The following ITGA8 variants were observed in gnomAD, a reference collection of about 807,000 sequenced individuals.
ITGA8 encodes integrin subunit alpha 8.
ITGA8 carries 91 observed loss-of-function variants against 142.3 expected under a neutral mutation model. That is an observed-to-expected ratio of 0.64 (90% CI 0.54 to 0.76). The LOEUF is 0.76. ITGA8 is among the 30% of genes least tolerant of loss of function. ITGA8 has a pLI of 0.00. For missense variants in ITGA8, 1,406 were observed against 1,327.7 expected, an observed-to-expected ratio of 1.06 and a Z score of -0.92; for synonymous variants, 505 against 485.2, an observed-to-expected ratio of 1.04 and a Z score of -0.54.
chr10:15,532,431 A>AAAAAAAAAG (rs1554769477), intron 27 of ITGA8, among the ~76,000 whole-genome samples: 1,651 of 139,136 alleles, frequency 0.012, 63 homozygotes, highest in Admixed American at 0.048. Context: ...AAAAAAAAAA[A>AAAAAAAAAG]AAAAAAAAAA....
rs796194795 is a variant in ITGA8, at chr10:15,561,235, G to GTATATATA, written c.2638-3041_2638-3034dup. ...TATATATATATATATATATATATAT[G>GTATATATA]TATATATATATATATATATGTATGT... On this transcript the variant is annotated intron_variant, in intron 25 of 29. Coordinates refer to ENST00000378076, the MANE Select transcript of ITGA8 (RefSeq NM_003638.3). 6.3e-3 allele frequency among the ~76,000 whole-genome samples: 642 copies of GTATATATA among 101,522 alleles called. 40 individuals are homozygous for GTATATATA. The East Asian group carries it at 0.18, about 28-fold the overall frequency. The allele number at this position is 101,522 out of a possible 152,430, so 66.6% of individuals were successfully genotyped here.
intron 2 of ITGA8, among the ~76,000 whole-genome samples, chr10:15,717,655 C>T (rs560273473): frequency 1.3e-5 from 2 of 152,170 alleles, no homozygotes; most frequent in African/African-American, 4.8e-5. Context: ...TATAATTTTC[C>T]AATGCTTTTA....
chr10:15,559,982 A>T (rs1338898109), intron 25 of ITGA8, among the ~76,000 whole-genome samples: 1 of 152,070 alleles, frequency 6.6e-6, no homozygotes, highest in African/African-American at 2.4e-5. Flanking sequence ...CAAAACTTAA[A>T]ATTAAATTTA....
At chr10:15,692,492 C>T (rs901167049) in intron 2 of ITGA8, among the ~76,000 whole-genome samples, 62 of 152,132 alleles carry the variant, frequency 4.1e-4, no homozygotes, top group Admixed American at 2.6e-4. Flanking sequence ...TATTGAAGAC[C>T]ATATATTTAT....
chr10:15,681,843 G>A (rs550333511), intron 4 of ITGA8, among the ~76,000 whole-genome samples: 4 of 152,140 alleles, frequency 2.6e-5, no homozygotes, highest in Non-Finnish European at 5.9e-5. Context: ...TATAGGATAT[G>A]GACAGGTGTA....
intron 13 of ITGA8, among the ~76,000 whole-genome samples, chr10:15,632,007 G>A (rs767725991): frequency 3.8e-4 from 57 of 151,992 alleles, no homozygotes; most frequent in Non-Finnish European, 4.4e-4. Context: ...TGTATCTGGC[G>A]AGGGAAATTT....
rs563882503 is a variant in ITGA8, at chr10:15,719,529, C to A, written c.209+34G>T. The A allele has an allele frequency of 1.0e-4, 154 of 1,510,358 alleles. No homozygotes were observed. The Middle Eastern group carries it at 1.3e-3, about 12-fold the overall frequency. The allele number at this position is 1,510,358 out of a possible 1,614,324, so 93.6% of individuals were successfully genotyped here. ...GGACCTGACCCGGGAGCGCCTTCGT[C>A]CCCGCGCGCACCTCCCCGGGTCGGG... On this transcript the variant is annotated intron_variant, in intron 1 of 29. Transcript: ENST00000378076.
intron 13 of ITGA8, among the ~76,000 whole-genome samples, chr10:15,642,033 C>T (rs889904057): frequency 5.9e-5 from 9 of 152,188 alleles, no homozygotes; most frequent in Middle Eastern, 3.4e-3. Flanking sequence ...GAGGCTGAGG[C>T]AGGAGGACCG....
At chr10:15,608,392 T>A in intron 15 of ITGA8, 102 bp from the exon 16 acceptor site, 1 of 652,290 alleles carries the variant, frequency 1.5e-6, no homozygotes, top group Admixed American at 2.8e-5. Flanking sequence ...TTTCTCTATA[T>A]ATTTCTAATT....
At chr10:15,621,152 A>G (rs970147137) in intron 13 of ITGA8, among the ~76,000 whole-genome samples, 1 of 149,434 alleles carries the variant, frequency 6.7e-6, no homozygotes, top group African/African-American at 2.5e-5. Flanking sequence ...TTCTCTATAC[A>G]TAGACACTTA....
chr10:15,575,559 T>A lies in ITGA8; in HGVS notation c.2408A>T (p.His803Leu). ...SHPPQIVLPI[H>L]NWEPEEEPHK... ...GGGCTCCTCTTCTGGTTCCCAGTTA[T>A]GAATGGGCAGAACAATCTGCGGAGG... is the stretch of plus-strand genomic sequence containing the variant. The change falls in exon 24 of 30, where the codon CAT (histidine) becomes CTT (leucine). Residue 803 changes from histidine (H) to leucine (L), a missense_variant. By Grantham distance (99) the His-to-Leu change is moderately conservative. Transcript: ENST00000378076. 1 of 1,614,002 alleles carries A rather than the reference T, an allele frequency of 6.2e-7. No homozygotes were observed.
chr10:15,682,066 TCTC>T (rs1185425917), intron 4 of ITGA8, among the ~76,000 whole-genome samples: 2 of 152,158 alleles, frequency 1.3e-5, no homozygotes, highest in Admixed American at 6.5e-5. Context: ...TTCTCTCTTC[TCTC>T]CTCCAATAAT....
At chr10:15,588,442 A>G (rs192492247) in intron 22 of ITGA8, among the ~76,000 whole-genome samples, 34 of 152,298 alleles carry the variant, frequency 2.2e-4, no homozygotes, top group Admixed American at 1.2e-3. Flanking sequence ...CACATCTGGG[A>G]TCAGTCAACT....
At chr10:15,539,004 A>G (rs1342833814) in intron 27 of ITGA8, among the ~76,000 whole-genome samples, 2 of 148,298 alleles carry the variant, frequency 1.3e-5, no homozygotes, top group African/African-American at 5.0e-5. Context: ...AGACAAGGGA[A>G]TGGACAGACT....
At chr10:15,616,445 A>T in intron 14 of ITGA8, 69 bp downstream of exon 14, 1 of 1,167,226 alleles carries the variant, frequency 8.6e-7, no homozygotes, top group Non-Finnish European at 1.3e-6. Context: ...TGCTCTCTTT[A>T]AGGCAGAACT....
intron 6 of ITGA8, among the ~76,000 whole-genome samples, chr10:15,677,053 G>T (rs1226924469): frequency 6.6e-6 from 1 of 152,124 alleles, no homozygotes; most frequent in Non-Finnish European, 1.5e-5. Context: ...TCGAAATGAT[G>T]CTTTTGTTCT....
chr10:15,541,212 G>C (rs1025335569), intron 27 of ITGA8, among the ~76,000 whole-genome samples: 2 of 152,148 alleles, frequency 1.3e-5, no homozygotes, highest in South Asian at 4.1e-4. Flanking sequence ...CTCTCATAAA[G>C]AATGAACCCC....
At chr10:15,606,162 A>G (rs1277363941) in intron 18 of ITGA8, 123 bp downstream of exon 18, 1 of 837,242 alleles carries the variant, frequency 1.2e-6, no homozygotes, top group African/African-American at 1.7e-5. Flanking sequence ...AAAACTCCCA[A>G]ATGTTCCATG....
At position 15,516,352 on chromosome 10, in the gene ITGA8, G is replaced by C. The variant is rs1832960848; in HGVS notation, c.*806C>G. ...ATGTGAGTGAAAGGAATTTCAGATG[G>C]AAGGCAGCAAGGTATTAAATAGAAC... is the stretch of plus-strand genomic sequence containing the variant. On this transcript the variant is annotated 3_prime_UTR_variant, in exon 30 of 30. Coordinates refer to ENST00000378076, the MANE Select transcript of ITGA8 (RefSeq NM_003638.3). 6.6e-6 allele frequency: 1 copy of C among 152,174 alleles called. No individual in the cohort carries two copies. The highest frequency in any genetic ancestry group is 6.6e-5 in the Admixed American group (1 of 15,266). 9.4% of individuals were successfully genotyped at this position (152,174 alleles called of 1,614,324 possible).
Sources: gnomAD v4.1 joint callset for allele counts (sites outside exome capture counted in the v4.1 genomes callset) on GRCh38, gnomAD v4.1.1 for gene constraint, MANE v1.5 for transcripts, NCBI Gene and HGNC (gene_info 2026-07-23, HGNC 2026-07-21) for gene names.